Variants in ZNF829 observed in about 807,000 individuals in gnomAD.
ZNF829 encodes the protein zinc finger protein 829.
A neutral mutation model predicts 35.2 loss-of-function variants in ZNF829; 25 were observed. The ratio of observed to expected loss-of-function variants is 0.71; its 90% CI spans 0.52 to 0.99. The LOEUF (loss-of-function observed/expected upper bound fraction) is 0.99, where lower values mean the gene tolerates loss of function less well. ZNF829 is among the 50% of genes least tolerant of loss of function. The pLI, the probability that ZNF829 is intolerant of heterozygous loss-of-function variation, is 0.00. For synonymous variants in ZNF829, 136 were observed against 163.2 expected, an observed-to-expected ratio of 0.83 and a Z score of 1.27; for missense variants, 417 against 515.3, an observed-to-expected ratio of 0.81 and a Z score of 1.85.
In ZNF829 at chr19:36,890,931, C is replaced by T. The variant is rs2073044899; in HGVS notation, c.*561G>A. The T allele has an allele frequency of 6.6e-6, 1 of 152,186 alleles. No homozygotes were observed. The highest frequency in any genetic ancestry group is 1.5e-5 in the Non-Finnish European group (1 of 68,060). The allele number at this position is 152,186 out of a possible 1,614,324, so 9.4% of individuals were successfully genotyped here. On this transcript the variant is annotated 3_prime_UTR_variant, in exon 6 of 6. Coordinates refer to ENST00000391711, the MANE Select transcript of ZNF829 (RefSeq NM_001037232.4). ...AAATTACAAATATATTAGACAAAAT[C>T]ATTCTAACAGGGTATTATGGGTTGA...
Position 36,901,765 on chromosome 19 carries a change from T to C in ZNF829, c.319+6164A>G. The C allele has an allele frequency of 7.3e-6, 4 of 549,866 alleles. No homozygotes were observed. The South Asian group carries it at 8.7e-5, about 12-fold the overall frequency. 34.1% of individuals were successfully genotyped at this position (549,866 alleles called of 1,614,324 possible). A position where few individuals can be genotyped will look rare whatever the true frequency, so the allele number is the denominator to read the frequency against. ...GAATGGCTCCCACAAAGAAGGGTGG[T>C]GAGAAGAAAAAGGGCCGTTCTGCCA... is the stretch of plus-strand genomic sequence containing the variant. On this transcript the variant is annotated intron_variant, in intron 5 of 5. Transcript: ENST00000391711.
At chr19:36,914,235 A>C (rs2073286833) in intron 3 of ZNF829, among the ~76,000 whole-genome samples, 1 of 152,186 alleles carries the variant, frequency 6.6e-6, no homozygotes, top group African/African-American at 2.4e-5. Context: ...AATATTGATA[A>C]ACTCAGCTTT....
At chr19:36,915,752 A>G in intron 1 of ZNF829, 1 of 1,070,102 alleles carries the variant, frequency 9.3e-7, no homozygotes, top group Non-Finnish European at 1.3e-6. Context: ...GCGCGCCACC[A>G]TGCCTAGCTA....
intron 5 of ZNF829, chr19:36,901,780 C>A: frequency 1.8e-6 from 1 of 564,562 alleles, no homozygotes; most frequent in East Asian, 3.4e-5. Context: ...AGAAAAAGGG[C>A]CGTTCTGCCA....
chr19:36,893,497 T>C (rs1299436932), intron 5 of ZNF829, among the ~76,000 whole-genome samples: 3 of 152,302 alleles, frequency 2.0e-5, no homozygotes, highest in East Asian at 3.9e-4. Context: ...CTCTGAGCCC[T>C]CTTTTCCTTG....
intron 1 of ZNF829, 126 bp from the exon 2 acceptor site, chr19:36,915,377 G>A (rs1398030719): frequency 2.1e-5 from 25 of 1,165,374 alleles, no homozygotes; most frequent in Non-Finnish European, 2.4e-6. Flanking sequence ...TGCCCACAAG[G>A]AGCCACACAC....
At chr19:36,904,416 T>A (rs894557183) in intron 5 of ZNF829, among the ~76,000 whole-genome samples, 2 of 152,174 alleles carry the variant, frequency 1.3e-5, no homozygotes, top group African/African-American at 2.4e-5. Flanking sequence ...TTCTCTTTTT[T>A]TGAGATGGAG....
chr19:36,900,847 GAAA>G lies in ZNF829; in HGVS notation c.319+7079_319+7081del, dbSNP rs59848712. Among the ~76,000 whole-genome samples the G allele has an allele frequency of 2.6e-4, 23 of 88,970 alleles. 1 individual carries two copies. Among genetic ancestry groups the G allele is most frequent in the Admixed American group, 1.7e-3 (13 of 7,690 alleles). 58.4% of individuals were successfully genotyped at this position (88,970 alleles called of 152,430 possible). A position where few individuals can be genotyped will look rare whatever the true frequency, so the allele number is the denominator to read the frequency against. ...TGGGCAACAGAGCGAGACTGTCTCA[GAAA>G]AAAAAAAAAAAAAAAAAGATAACAA... is the stretch of plus-strand genomic sequence containing the variant. On this transcript the variant is annotated intron_variant, in intron 5 of 5. Transcript: ENST00000391711.
intron 5 of ZNF829, among the ~76,000 whole-genome samples, chr19:36,894,253 A>C (rs1017121691): frequency 1.3e-5 from 2 of 152,198 alleles, no homozygotes; most frequent in African/African-American, 4.8e-5. Context: ...TAACAAAGCC[A>C]AAGCAACCTA....
chr19:36,900,176 A>G (rs2073152356), intron 5 of ZNF829, among the ~76,000 whole-genome samples: 1 of 150,342 alleles, frequency 6.7e-6, no homozygotes, highest in African/African-American at 2.4e-5. Flanking sequence ...ACACACACAC[A>G]CACACACACA....
At chr19:36,901,801 G>T in intron 5 of ZNF829, 1 of 641,322 alleles carries the variant, frequency 1.6e-6, no homozygotes, top group Non-Finnish European at 2.9e-6. Flanking sequence ...TCCACAAGGT[G>T]GTGACCTGAG....
Position 36,891,933 on chromosome 19 carries a change from A to C in ZNF829, c.858T>G (p.His286Gln). 6.2e-7 allele frequency: 1 copy of C among 1,614,042 alleles called. No homozygotes were observed. ...AFTKSSQLFL[H>Q]LRIHTGEKPY... ...GTTTCTCACCAGTATGAATTCTCAG[A>C]TGTAGAAAAAGTTGTGAACTTTTAG... The change falls in exon 6 of 6, where the codon CAT becomes CAG. Residue 286 changes from histidine (H) to glutamine (Q), a missense_variant. His to Gln is a conservative substitution (Grantham distance 24). Coordinates refer to ENST00000391711, the MANE Select transcript of ZNF829 (RefSeq NM_001037232.4).
chr19:36,905,986 AAAGGACAGTCATCTC>A, intron 5 of ZNF829: 1 of 152,304 alleles, frequency 6.6e-6, no homozygotes, highest in South Asian at 2.1e-4. Context: ...TAGAATGGGA[AAAGGACAGTCATCTC>A]AATAAACACT....
In ZNF829 at chr19:36,891,874, G is replaced by C; in HGVS notation, c.917C>G (p.Thr306Ser). Reference sequence around the variant, plus strand: ...ATGCTGAATAAGCCTTGAGTGTTGAGTAAAGGCTTTCCCACATTCTTTACA... The same window carrying C: ...ATGCTGAATAAGCCTTGAGTGTTGACTAAAGGCTTTCCCACATTCTTTACA... ...YECKECGKAF[T>S]QHSRLIQHQR... The change falls in exon 6 of 6, where the codon ACT (threonine) becomes AGT (serine). Residue 306 changes from threonine to serine, a missense_variant. By Grantham distance (58) the Thr-to-Ser change is moderately conservative. Transcript: ENST00000391711. The C allele has an allele frequency of 6.2e-7, 1 of 1,613,846 alleles. No individual in the cohort carries two copies.
At chr19:36,892,951 A>G in intron 5 of ZNF829, 1 of 605,698 alleles carries the variant, frequency 1.7e-6, no homozygotes. Context: ...ACAGGCCAGC[A>G]GGATGCCGCT....
chr19:36,904,790 G>T (rs955646532), intron 5 of ZNF829, among the ~76,000 whole-genome samples: 1 of 152,104 alleles, frequency 6.6e-6, no homozygotes, highest in Non-Finnish European at 1.5e-5. Context: ...ATTTTAAAAT[G>T]AAAAAGGAAT....
At chr19:36,911,738 T>C (rs915417647) in intron 3 of ZNF829, among the ~76,000 whole-genome samples, 3 of 152,206 alleles carry the variant, frequency 2.0e-5, no homozygotes, top group Non-Finnish European at 2.9e-5. Context: ...ATTTTTGCTG[T>C]ATTCTCTGGA....
At position 36,892,364 on chromosome 19, in the gene ZNF829, G is replaced by C. The variant is rs1295054556; in HGVS notation, c.427C>G (p.Leu143Val). ...DMSTFIQPTFLIPPQKTMSEE... is the reference protein window; with the variant it reads ...DMSTFIQPTFVIPPQKTMSEE... ...CTCATAGTTTTTTGAGGTGGAATAAGAAATGTGGGCTGAATAAAAGTAGAC... is the reference window on the plus strand; with the variant it reads ...CTCATAGTTTTTTGAGGTGGAATAACAAATGTGGGCTGAATAAAAGTAGAC... The change falls in exon 6 of 6, where the codon CTT (leucine) becomes GTT (valine). Residue 143 changes from leucine to valine, a missense_variant. Leu to Val is a conservative substitution (Grantham distance 32). Transcript: ENST00000391711. The C allele has an allele frequency of 1.2e-6, 2 of 1,613,484 alleles. No individual in the cohort carries two copies. The highest frequency in any genetic ancestry group is 1.7e-5 in the Admixed American group (1 of 60,002).
At chr19:36,907,847 G>T in intron 5 of ZNF829, 82 bp downstream of exon 5, 1 of 1,208,258 alleles carries the variant, frequency 8.3e-7, no homozygotes, top group Non-Finnish European at 1.2e-6. Context: ...GAGGCTTCAG[G>T]CCTTTAAAGG....
Sources: gnomAD v4.1 joint callset for allele counts (sites outside exome capture counted in the v4.1 genomes callset) on GRCh38, gnomAD v4.1.1 for gene constraint, MANE v1.5 for transcripts, NCBI Gene and HGNC (gene_info 2026-07-23, HGNC 2026-07-21) for gene names.